Variants in HS6ST3 observed in about 807,000 individuals in gnomAD.
The protein encoded by HS6ST3 is heparan-sulfate 6-O-sulfotransferase 3.
HS6ST3 carries 12 observed loss-of-function variants against 36.7 expected under a neutral mutation model. The observed-to-expected ratio is 0.33, with a 90% CI of 0.21 to 0.53. The LOEUF is 0.53. Ranked by LOEUF, HS6ST3 falls within the 20% of genes least tolerant of loss-of-function variation. The pLI, the probability that HS6ST3 is intolerant of heterozygous loss-of-function variation, is 0.95. For missense variants in HS6ST3, 584 were observed against 640.9 expected, an observed-to-expected ratio of 0.91 and a Z score of 0.96; for synonymous variants, 240 against 257.5, an observed-to-expected ratio of 0.93 and a Z score of 0.65.
At chr13:96,247,075 GAGCTACATTGTGGAA>G (rs2054588069) in intron 1 of HS6ST3, among the ~76,000 whole-genome samples, 2 of 152,132 alleles carry the variant, frequency 1.3e-5, no homozygotes, top group Admixed American at 6.5e-5. Context: ...TGGGCTGAGA[GAGCTACATTGTGGAA>G]AGCAAATCAG....
At chr13:96,118,643 A>AAGAT (rs1566886382) in intron 1 of HS6ST3, among the ~76,000 whole-genome samples, 4 of 67,980 alleles carry the variant, frequency 5.9e-5, no homozygotes, top group East Asian at 3.8e-4. Flanking sequence ...AAGAACATTA[A>AAGAT]AGATATATAT....
intron 1 of HS6ST3, among the ~76,000 whole-genome samples, chr13:96,472,020 G>A (rs1309021087): frequency 1.3e-5 from 2 of 152,126 alleles, no homozygotes; most frequent in Non-Finnish European, 2.9e-5. Context: ...CAGCCTTCAT[G>A]GAAACATGGG....
chr13:96,604,679 C>T (rs1406765708), intron 1 of HS6ST3, among the ~76,000 whole-genome samples: 1 of 152,056 alleles, frequency 6.6e-6, no homozygotes. Context: ...TGATACAATG[C>T]CATGAATCTA....
At chr13:96,107,394 G>T (rs988226843) in intron 1 of HS6ST3, among the ~76,000 whole-genome samples, 3 of 152,140 alleles carry the variant, frequency 2.0e-5, no homozygotes, top group Admixed American at 2.0e-4. Context: ...TCGGGACAAG[G>T]TGTTGGATGG....
intron 1 of HS6ST3, among the ~76,000 whole-genome samples, chr13:96,551,461 G>A (rs542050960): frequency 6.6e-5 from 10 of 152,240 alleles, no homozygotes; most frequent in East Asian, 5.8e-4. Context: ...ATTGGCAGAC[G>A]TTGTATTCAA....
At chr13:96,811,310 T>C (rs1878312705) in intron 1 of HS6ST3, among the ~76,000 whole-genome samples, 1 of 152,180 alleles carries the variant, frequency 6.6e-6, no homozygotes, top group African/African-American at 2.4e-5. Context: ...TTTAAAGGGC[T>C]TTTCGACTTC....
chr13:96,498,406 G>A (rs139644788), intron 1 of HS6ST3, among the ~76,000 whole-genome samples: 6 of 152,160 alleles, frequency 3.9e-5, no homozygotes, highest in East Asian at 1.9e-4. Flanking sequence ...CCATCTTTTC[G>A]GGTATCAGTT....
At chr13:96,535,623 A>G (rs1379716970) in intron 1 of HS6ST3, among the ~76,000 whole-genome samples, 1 of 151,956 alleles carries the variant, frequency 6.6e-6, no homozygotes, top group East Asian at 1.9e-4. Context: ...GTGGCTTGAT[A>G]CATATGCATG....
At chr13:96,218,618 A>G (rs1329482298) in intron 1 of HS6ST3, among the ~76,000 whole-genome samples, 1 of 152,174 alleles carries the variant, frequency 6.6e-6, no homozygotes, top group East Asian at 1.9e-4. Flanking sequence ...AAGTGGCCAG[A>G]GATGGAAACT....
At chr13:96,598,526 GTAACC>G (rs1431522081) in intron 1 of HS6ST3, among the ~76,000 whole-genome samples, 1 of 152,096 alleles carries the variant, frequency 6.6e-6, no homozygotes, top group African/African-American at 2.4e-5. Flanking sequence ...ACATTGATCT[GTAACC>G]TGAGACGTTA....
At chr13:96,403,200 G>A (rs1039150123) in intron 1 of HS6ST3, among the ~76,000 whole-genome samples, 6 of 151,904 alleles carry the variant, frequency 3.9e-5, no homozygotes, top group Middle Eastern at 3.4e-3. Context: ...GTGAAGTGTC[G>A]GTTCATCTTT....
chr13:96,577,767 A>G (rs539986237), intron 1 of HS6ST3, among the ~76,000 whole-genome samples: 9 of 152,336 alleles, frequency 5.9e-5, no homozygotes, highest in African/African-American at 2.2e-4. Flanking sequence ...TCATTAGAGA[A>G]ATGCAAATCA....
intron 1 of HS6ST3, among the ~76,000 whole-genome samples, chr13:96,477,892 AT>A (rs1200682822): frequency 1.4e-4 from 22 of 151,788 alleles, no homozygotes; most frequent in South Asian, 8.3e-4. Context: ...AATAAAAAAA[AT>A]AATAATAATA....
intron 1 of HS6ST3, among the ~76,000 whole-genome samples, chr13:96,720,960 A>T (rs946927256): frequency 3.9e-5 from 6 of 152,218 alleles, no homozygotes; most frequent in African/African-American, 1.4e-4. Flanking sequence ...TCAATGAAAT[A>T]CTATATAATG....
chr13:96,107,321 T>C (rs1487758218), intron 1 of HS6ST3, among the ~76,000 whole-genome samples: 1 of 152,160 alleles, frequency 6.6e-6, no homozygotes, highest in East Asian at 1.9e-4. Context: ...GTATGGTCTC[T>C]GTAAATGGCT....
chr13:96,622,284 G>A (rs1045188459), intron 1 of HS6ST3, among the ~76,000 whole-genome samples: 1 of 152,076 alleles, frequency 6.6e-6, no homozygotes. Flanking sequence ...AAAAAAAGCA[G>A]TAGTCACTGA....
chr13:96,118,931 T>C (rs543988648), intron 1 of HS6ST3, among the ~76,000 whole-genome samples: 2,469 of 149,130 alleles, frequency 0.017, 56 homozygotes, highest in African/African-American at 0.058. Flanking sequence ...AGGATGGTCT[T>C]GATCTCCTGA....
intron 1 of HS6ST3, among the ~76,000 whole-genome samples, chr13:96,783,300 T>C (rs1877569465): frequency 6.6e-6 from 1 of 152,158 alleles, no homozygotes; most frequent in African/African-American, 2.4e-5. Flanking sequence ...TATGACTGCT[T>C]TTCTTACTTC....
intron 1 of HS6ST3, among the ~76,000 whole-genome samples, chr13:96,538,048 T>C (rs2056162962): frequency 6.6e-6 from 1 of 152,222 alleles, no homozygotes; most frequent in South Asian, 2.1e-4. Flanking sequence ...TCACCTATAA[T>C]GGATGCAAAT....
Sources: allele counts gnomAD v4.1 joint callset (sites outside exome capture counted in the v4.1 genomes callset), GRCh38; gene constraint gnomAD v4.1.1; transcripts MANE v1.5; gene names NCBI Gene and HGNC (gene_info 2026-07-23, HGNC 2026-07-21).